Variants in SMIM13 observed in about 807,000 individuals in gnomAD.
The protein encoded by SMIM13 is UPF0766 protein C6orf228.
A neutral mutation model predicts 5.9 loss-of-function variants in SMIM13; 3 were observed. The ratio of observed to expected loss-of-function variants is 0.51; its 90% confidence interval spans 0.23 to 1.31. SMIM13 has a LOEUF of 1.31. SMIM13 is among the 40% of genes most tolerant of loss of function. The probability of loss-of-function intolerance (pLI) is 0.18; values close to 1 mark genes in which losing one functional copy is unlikely to be tolerated. For synonymous variants in SMIM13, 55 were observed against 46.0 expected, an observed-to-expected ratio of 1.19 and a Z score of -0.79; for missense variants, 85 against 109.9, an observed-to-expected ratio of 0.77 and a Z score of 1.01.
intron 1 of SMIM13, among the ~76,000 whole-genome samples, chr6:11,118,820 C>G (rs1758273936): frequency 6.6e-6 from 1 of 152,168 alleles, no homozygotes; most frequent in African/African-American, 2.4e-5. Context: ...TTCACTTTAG[C>G]TTGTTACATG....
intron 1 of SMIM13, among the ~76,000 whole-genome samples, chr6:11,105,920 G>A (rs984289126): frequency 6.6e-6 from 1 of 152,186 alleles, no homozygotes; most frequent in Admixed American, 6.5e-5. Flanking sequence ...GGGCTTAATT[G>A]CAAGGGAGCC....
intron 1 of SMIM13, among the ~76,000 whole-genome samples, chr6:11,095,489 T>A (rs940957243): frequency 7.2e-5 from 11 of 152,124 alleles, no homozygotes; most frequent in Non-Finnish European, 2.9e-5. Flanking sequence ...GTAGCCGGGA[T>A]TACAGGTGCC....
At chr6:11,104,028 C>T in intron 1 of SMIM13, 1 of 1,551,726 alleles carries the variant, frequency 6.4e-7, no homozygotes, top group African/African-American at 1.4e-5. Flanking sequence ...ACAAATTCCT[C>T]CCTGTGCTGC....
rs1333342570 is a variant in SMIM13, at chr6:11,134,815, G to C, written c.*213G>C. 2 of 385,302 alleles carry C rather than the reference G, an allele frequency of 5.2e-6. No homozygotes were observed. The highest frequency in any genetic ancestry group is 9.1e-6 in the Non-Finnish European group (2 of 219,164). The allele number at this position is 385,302 out of a possible 1,614,324, so 23.9% of individuals were successfully genotyped here. ...TTAAAGATAATCTTTTGTTTCACCA[G>C]CTTTCTACTTATACACTTATTCCTT... is the stretch of plus-strand genomic sequence containing the variant. On this transcript the variant is annotated 3_prime_UTR_variant, in exon 2 of 2. Transcript: ENST00000416247.
intron 1 of SMIM13, chr6:11,104,169 T>C (rs144280824): frequency 2.8e-4 from 431 of 1,551,600 alleles, no homozygotes; most frequent in Non-Finnish European, 3.6e-4. Context: ...GAGCTGGCTA[T>C]AGGTGAGGGA....
chr6:11,133,093 C>G (rs899085750), intron 1 of SMIM13, among the ~76,000 whole-genome samples: 1 of 152,168 alleles, frequency 6.6e-6, no homozygotes, highest in Non-Finnish European at 1.5e-5. Flanking sequence ...TGTGAATATT[C>G]TGTCAGAACT....
chr6:11,109,028 C>T (rs375790274), intron 1 of SMIM13, among the ~76,000 whole-genome samples: 2 of 152,216 alleles, frequency 1.3e-5, no homozygotes, highest in African/African-American at 4.8e-5. Flanking sequence ...CTCATGTACT[C>T]CCCTGGATAT....
intron 1 of SMIM13, among the ~76,000 whole-genome samples, chr6:11,124,113 T>G (rs1274448248): frequency 1.3e-5 from 2 of 152,380 alleles, no homozygotes; most frequent in Middle Eastern, 3.4e-3. Flanking sequence ...TCTATCTAAA[T>G]ATGTTTTTGT....
chr6:11,121,971 G>A (rs960379698), intron 1 of SMIM13, among the ~76,000 whole-genome samples: 1 of 152,212 alleles, frequency 6.6e-6, no homozygotes, highest in Non-Finnish European at 1.5e-5. Flanking sequence ...CTTTTCTCAA[G>A]TGGAGTCTTC....
chr6:11,104,026 C>T, intron 1 of SMIM13: 2 of 1,551,728 alleles, frequency 1.3e-6, no homozygotes, highest in Non-Finnish European at 1.7e-6. Context: ...AAACAAATTC[C>T]TCCCTGTGCT....
At chr6:11,112,972 T>G (rs1433010601) in intron 1 of SMIM13, among the ~76,000 whole-genome samples, 1 of 151,794 alleles carries the variant, frequency 6.6e-6, no homozygotes, top group Non-Finnish European at 1.5e-5. Context: ...CATGCCTGGC[T>G]AATTTATTTT....
chr6:11,104,519 G>A, intron 1 of SMIM13: 1 of 1,567,424 alleles, frequency 6.4e-7, no homozygotes. Context: ...CCAGGTAGCT[G>A]GTGGCTATAG....
intron 1 of SMIM13, among the ~76,000 whole-genome samples, chr6:11,097,950 C>T (rs1379833663): frequency 2.0e-5 from 3 of 151,992 alleles, no homozygotes; most frequent in East Asian, 3.9e-4. Context: ...TGCTCGCCGC[C>T]CCCCCACCCA....
At chr6:11,097,196 A>AT (rs1360387241) in intron 1 of SMIM13, among the ~76,000 whole-genome samples, 2 of 151,854 alleles carry the variant, frequency 1.3e-5, no homozygotes, top group Non-Finnish European at 2.9e-5. Context: ...AGCAGGGTTG[A>AT]TTTTCTCCTG....
chr6:11,114,592 CTTTTTTTTTT>C (rs58585640), intron 1 of SMIM13, among the ~76,000 whole-genome samples: 15 of 21,826 alleles, frequency 6.9e-4, no homozygotes, highest in African/African-American at 3.1e-3. Flanking sequence ...CACTTTTTCT[CTTTTTTTTTT>C]TTTTTTTTTT....
In SMIM13 at chr6:11,136,471, C is replaced by T. The variant is rs891837419; in HGVS notation, c.*1869C>T. 2 of 152,162 alleles carry T rather than the reference C, an allele frequency of 1.3e-5. No homozygotes were observed. The highest frequency in any genetic ancestry group is 3.8e-4 in the East Asian group (2 of 5,200). The allele number at this position is 152,162 out of a possible 1,614,324, so 9.4% of individuals were successfully genotyped here. ...TCATCACAAAATATCTATTTAACCT[C>T]TATTTTATGATGGTGTGTTATTATG... On this transcript the variant is annotated 3_prime_UTR_variant, in exon 2 of 2. Coordinates refer to ENST00000416247, the MANE Select transcript of SMIM13 (RefSeq NM_001135575.2).
At position 11,112,093 on chromosome 6, in the gene SMIM13, CATT is replaced by C. The variant is rs976809845; in HGVS notation, c.76+17714_76+17716del. Among the ~76,000 whole-genome samples, 188 of 152,036 alleles carry C rather than the reference CATT, an allele frequency of 1.2e-3. 16 individuals are homozygous for C. The highest frequency in any genetic ancestry group is 4.4e-5 in the Non-Finnish European group (3 of 68,026). On this transcript the variant is annotated intron_variant, in intron 1 of 1. Transcript: ENST00000416247. ...TCTTTCCCTGGTACTGGCTGCAACCCATTATTATTATTTTAGAGAAACAGTGTA... is the reference window on the plus strand; with the variant it reads ...TCTTTCCCTGGTACTGGCTGCAACCCATTATTATTTTAGAGAAACAGTGTA...
chr6:11,094,398 G>GTGTGC lies in SMIM13; in HGVS notation c.76+9_76+10insTGTGC, dbSNP rs1757894985. 3 of 1,533,830 alleles carry GTGTGC rather than the reference G, an allele frequency of 2.0e-6. No individual in the cohort carries two copies. The highest frequency in any genetic ancestry group is 2.6e-6 in the Non-Finnish European group (3 of 1,141,974). Reference sequence around the variant, plus strand: ...GCTGCTGATGGTGTGCGGTGAGTGGGGGCGGTAGCCGCGAGGCAGTTCCAC... The same window carrying GTGTGC: ...GCTGCTGATGGTGTGCGGTGAGTGGGTGTGCGGCGGTAGCCGCGAGGCAGTTCCAC... On this transcript the variant is annotated intron_variant, in intron 1 of 1. Transcript: ENST00000416247.
intron 1 of SMIM13, chr6:11,103,988 C>G (rs1758040797): frequency 6.4e-7 from 1 of 1,551,646 alleles, no homozygotes; most frequent in East Asian, 2.4e-5. Flanking sequence ...ATTGATTTAC[C>G]CAAAAGCAAC....
Sources: allele counts gnomAD v4.1 joint callset (sites outside exome capture counted in the v4.1 genomes callset), GRCh38; gene constraint gnomAD v4.1.1; transcripts MANE v1.5; gene names NCBI Gene and HGNC (gene_info 2026-07-23, HGNC 2026-07-21).